Variants in MTRFR observed in about 807,000 individuals in gnomAD.
MTRFR encodes the protein probable peptide chain release factor C12orf65, mitochondrial.
In MTRFR, 10 loss-of-function variants were observed where a neutral mutation model predicts 11.9. The observed-to-expected ratio is 0.84, with a 90% CI of 0.52 to 1.42. The LOEUF is 1.42. Among genes scored for constraint, MTRFR ranks in the 40% most tolerant of loss-of-function variants. The pLI is 0.00. For missense variants in MTRFR, 196 were observed against 197.9 expected, an observed-to-expected ratio of 0.99 and a Z score of 0.06; for synonymous variants, 77 against 79.1, an observed-to-expected ratio of 0.97 and a Z score of 0.14.
At chr12:123,244,994 GTGCAGGCAAGC>G (rs2048017298) in intron 1 of MTRFR, among the ~76,000 whole-genome samples, 1 of 128,042 alleles carries the variant, frequency 7.8e-6, no homozygotes, top group Admixed American at 9.1e-5. Context: ...CCAGGCAAGA[GTGCAGGCAAGC>G]TGCACCATCT....
rs1464561680 is a variant in MTRFR at position 123,257,470 on chromosome 12, C to T, written c.*439C>T. On this transcript the variant is annotated 3_prime_UTR_variant, in exon 3 of 3. Coordinates refer to ENST00000253233, the MANE Select transcript of MTRFR (RefSeq NM_152269.5). ...GGCGGAGGTTGCAGTGAGCTGAGAT[C>T]GCGCCACTGCACTCAAGCCTGGGCA... is the stretch of plus-strand genomic sequence containing the variant. The T allele has an allele frequency of 1.4e-4, 27 of 190,512 alleles. 1 individual carries two copies. The highest frequency in any genetic ancestry group is 2.4e-3 in the Middle Eastern group (1 of 424). The allele number at this position is 190,512 out of a possible 1,614,324, so 11.8% of individuals were successfully genotyped here. A position where few individuals can be genotyped will look rare whatever the true frequency, so the allele number is the denominator to read the frequency against.
At chr12:123,249,035 A>G (rs1350997055) in intron 1 of MTRFR, 1 of 151,948 alleles carries the variant, frequency 6.6e-6, no homozygotes, top group East Asian at 1.9e-4. Context: ...TGCATTTACA[A>G]TCCTTTAGCT....
At chr12:123,238,286 C>T (rs78866909) in intron 1 of MTRFR, among the ~76,000 whole-genome samples, 6,023 of 152,144 alleles carry the variant, frequency 0.04, 260 homozygotes, top group East Asian at 0.25. Flanking sequence ...ACCTGCTGGC[C>T]GTTTTGTCTT....
rs374464556 is a variant in MTRFR at position 123,256,877 on chromosome 12, T to G, written c.347T>G (p.Val116Gly). 1 of 1,613,796 alleles carries G rather than the reference T, an allele frequency of 6.2e-7. No homozygotes were observed. Among genetic ancestry groups the G allele is most frequent in the South Asian group, 1.1e-5 (1 of 91,070 alleles). Residue 116 changes from valine to glycine, a missense_variant, in exon 3 of 3, where the codon GTA becomes GGA. Val to Gly is a moderately radical substitution (Grantham distance 109, BLOSUM62 -3). Transcript: ENST00000253233. Reference sequence around the variant, plus strand: ...GCTCGGAAAATCCTACAAGAGAAAGTAGATGTTTTCTACAATGGTGAAAAC... The same window carrying G: ...GCTCGGAAAATCCTACAAGAGAAAGGAGATGTTTTCTACAATGGTGAAAAC... The part of the protein sequence containing the change: ...KLARKILQEK[V>G]DVFYNGENSP...
intron 1 of MTRFR, chr12:123,240,434 T>G (rs2047914823): frequency 6.6e-6 from 1 of 152,112 alleles, no homozygotes; most frequent in South Asian, 2.1e-4. Flanking sequence ...TCCCAGGTGA[T>G]TTGTATGCAC....
intron 1 of MTRFR, 83 bp from the exon 2 acceptor site, chr12:123,253,564 A>G (rs542643240): frequency 1.4e-6 from 2 of 1,380,390 alleles, no homozygotes; most frequent in Admixed American, 1.7e-5. Flanking sequence ...GAATTGCTTT[A>G]TAAAAAGCTG....
intron 1 of MTRFR, among the ~76,000 whole-genome samples, chr12:123,239,584 AGT>A (rs1364554553): frequency 6.6e-6 from 1 of 151,940 alleles, no homozygotes; most frequent in Non-Finnish European, 1.5e-5. Flanking sequence ...TTGTATTTTT[AGT>A]AGAGACGGGG....
intron 1 of MTRFR, among the ~76,000 whole-genome samples, chr12:123,245,887 G>A (rs1349795391): frequency 6.6e-6 from 1 of 152,072 alleles, no homozygotes; most frequent in Non-Finnish European, 1.5e-5. Flanking sequence ...GGATGTGGAT[G>A]CCCTTTATTT....
chr12:123,253,953 A>T lies in MTRFR; in HGVS notation c.279A>T (p.Val93=). The part of the protein sequence containing the change: ...VLKHIPSGIV[V]KCHQTRSVDQ... ...AGCACATCCCCTCAGGCATCGTTGT[A>T]AAGGTAGATCACAGAAGGCCGCTGA... Residue 93 remains valine, a synonymous_variant, in exon 2 of 3, where the codon GTA becomes GTT. Coordinates refer to ENST00000253233, the MANE Select transcript of MTRFR (RefSeq NM_152269.5). The T allele has an allele frequency of 6.2e-7, 1 of 1,614,160 alleles. No homozygotes were observed. The highest frequency in any genetic ancestry group is 1.3e-5 in the African/African-American group (1 of 75,068).
intron 1 of MTRFR, among the ~76,000 whole-genome samples, chr12:123,234,396 TGGGGGAGG>T (rs2047799059): frequency 9.8e-6 from 1 of 102,274 alleles, no homozygotes; most frequent in African/African-American, 3.8e-5. Context: ...TTTATTTTTG[TGGGGGAGG>T]GGGGTAGGGG....
chr12:123,256,881 TG>T lies in MTRFR; in HGVS notation c.352del (p.Val118PhefsTer58). 1 of 1,613,948 alleles carries T rather than the reference TG, an allele frequency of 6.2e-7. No individual in the cohort carries two copies. Among genetic ancestry groups the T allele is most frequent in the Non-Finnish European group, 8.5e-7 (1 of 1,179,906 alleles). On this transcript the variant is annotated frameshift_variant, in exon 3 of 3. Transcript: ENST00000253233. LOFTEE classifies it high-confidence loss of function. ...ARKILQEKVD[V>X]FYNGENSPVH... ...GGAAAATCCTACAAGAGAAAGTAGATGTTTTCTACAATGGTGAAAACAGTCC... is the reference window on the plus strand; with the variant it reads ...GGAAAATCCTACAAGAGAAAGTAGATTTTTCTACAATGGTGAAAACAGTCC...
At chr12:123,254,275 G>C (rs1236150165) in intron 2 of MTRFR, 18 of 335,492 alleles carry the variant, frequency 5.4e-5, no homozygotes, top group African/African-American at 3.1e-4. Flanking sequence ...TCTTGACAAA[G>C]CTAAGCAGTG....
At chr12:123,246,482 T>C (rs1197040066) in intron 1 of MTRFR, among the ~76,000 whole-genome samples, 1 of 138,260 alleles carries the variant, frequency 7.2e-6, no homozygotes, top group Non-Finnish European at 1.6e-5. Flanking sequence ...AAACGGAGTT[T>C]TGTTCTTGTG....
Position 123,239,873 on chromosome 12 carries a change from T to C in MTRFR, c.-29+6342T>C, listed in dbSNP as rs370620116. 4.6e-5 allele frequency among the ~76,000 whole-genome samples: 7 copies of C among 152,280 alleles called. 1 individual carries two copies. The East Asian group carries it at 1.4e-3, about 29-fold the overall frequency. On this transcript the variant is annotated intron_variant, in intron 1 of 2. Coordinates refer to ENST00000253233, the MANE Select transcript of MTRFR (RefSeq NM_152269.5). ...TTGTTTAATTCTTTTCTTGGGACGA[T>C]TTCCTTGCCCTCCCATCACACTCCT...
At chr12:123,237,633 T>A (rs1393010061) in intron 1 of MTRFR, among the ~76,000 whole-genome samples, 1 of 152,204 alleles carries the variant, frequency 6.6e-6, no homozygotes, top group Non-Finnish European at 1.5e-5. Flanking sequence ...GCTCAATCTA[T>A]TATGCTTTCC....
intron 2 of MTRFR, among the ~76,000 whole-genome samples, chr12:123,255,835 C>T (rs2048177153): frequency 6.6e-6 from 1 of 152,152 alleles, no homozygotes. Context: ...CCATGTTGGC[C>T]AGGCTGGTTT....
At chr12:123,254,931 C>T (rs1243127917) in intron 2 of MTRFR, 1 of 148,490 alleles carries the variant, frequency 6.7e-6, no homozygotes, top group Non-Finnish European at 1.5e-5. Context: ...AAGATTCCCT[C>T]TTAAAAAAAA....
At chr12:123,240,170 C>T (rs2047909018) in intron 1 of MTRFR, among the ~76,000 whole-genome samples, 1 of 150,174 alleles carries the variant, frequency 6.7e-6, no homozygotes, top group African/African-American at 2.5e-5. Flanking sequence ...TCGAGACCAC[C>T]CTGACCAACA....
At chr12:123,233,190 G>A (rs1350949060), upstream of MTRFR, 1 of 152,150 alleles carries the variant, frequency 6.6e-6, no homozygotes, top group Non-Finnish European at 1.5e-5. Flanking sequence ...CCCGGAAGGA[G>A]GCGGAGACAG....
Sources: gnomAD v4.1 joint callset for allele counts (sites outside exome capture counted in the v4.1 genomes callset) on GRCh38, gnomAD v4.1.1 for gene constraint, MANE v1.5 for transcripts, NCBI Gene and HGNC (gene_info 2026-07-23, HGNC 2026-07-21) for gene names.